Variants in RALYL observed in about 807,000 individuals in gnomAD.
RALYL encodes RALY RNA binding protein like.
Under a neutral mutation model 35.1 loss-of-function variants are expected in RALYL, and 29 were observed. That is an observed-to-expected ratio of 0.83 (90% CI 0.61 to 1.13). The LOEUF (loss-of-function observed/expected upper bound fraction) is 1.13. RALYL is among the 50% of genes most tolerant of loss of function. The probability of loss-of-function intolerance (pLI) is 0.00; values close to 1 mark genes in which losing one functional copy is unlikely to be tolerated. For missense variants in RALYL, 359 were observed against 360.4 expected, an observed-to-expected ratio of 1.00 and a Z score of 0.03; for synonymous variants, 120 against 127.6, an observed-to-expected ratio of 0.94 and a Z score of 0.40.
intron 1 of RALYL, among the ~76,000 whole-genome samples, chr8:84,206,835 C>T (rs1175266963): frequency 6.6e-6 from 1 of 152,066 alleles, no homozygotes; most frequent in East Asian, 1.9e-4. Context: ...AAAACTGAGG[C>T]AGAGATTATC....
At chr8:84,805,635 G>A (rs879529323) in intron 4 of RALYL, among the ~76,000 whole-genome samples, 2 of 152,256 alleles carry the variant, frequency 1.3e-5, no homozygotes, top group Non-Finnish European at 2.9e-5. Context: ...AGTGAGCCAA[G>A]ATCACACCAC....
chr8:84,714,500 T>G (rs1389862084), intron 2 of RALYL, among the ~76,000 whole-genome samples: 1 of 151,292 alleles, frequency 6.6e-6, no homozygotes, highest in African/African-American at 2.4e-5. Context: ...ATTATATATA[T>G]ATATAATTTT....
chr8:84,289,233 C>G (rs1002113140), intron 1 of RALYL, among the ~76,000 whole-genome samples: 1 of 152,046 alleles, frequency 6.6e-6, no homozygotes, highest in African/African-American at 2.4e-5. Flanking sequence ...GCTGCCAGGT[C>G]CTTGAGAAAG....
At chr8:84,481,044 T>C (rs1456790522) in intron 1 of RALYL, among the ~76,000 whole-genome samples, 1 of 152,158 alleles carries the variant, frequency 6.6e-6, no homozygotes, top group African/African-American at 2.4e-5. Flanking sequence ...TTTGTTATCA[T>C]AGCCAAGTAT....
At chr8:84,715,273 C>T (rs1323655548) in intron 2 of RALYL, among the ~76,000 whole-genome samples, 1 of 151,674 alleles carries the variant, frequency 6.6e-6, no homozygotes, top group African/African-American at 2.4e-5. Context: ...ATGTAATTTA[C>T]ATAAGAGAGC....
At chr8:84,824,697 G>A (rs1184026446) in intron 4 of RALYL, among the ~76,000 whole-genome samples, 1 of 152,074 alleles carries the variant, frequency 6.6e-6, no homozygotes, top group African/African-American at 2.4e-5. Flanking sequence ...GGAGAACCTG[G>A]AAGTAAAGCC....
At position 84,354,276 on chromosome 8, in the gene RALYL, A is replaced by C. The variant is rs1322955253; in HGVS notation, c.-24+169852A>C. 2.0e-5 allele frequency among the ~76,000 whole-genome samples: 3 copies of C among 150,290 alleles called. 1 individual carries two copies. Among genetic ancestry groups the C allele is most frequent in the African/African-American group, 7.4e-5 (3 of 40,388 alleles). The stretch of plus-strand genomic sequence containing the variant: ...AATGTATTTGGCAAATTTGTAACCC[A>C]ATTCTGGGATGCAACTCTTTTTTTC... On this transcript the variant is annotated intron_variant, in intron 1 of 8. Coordinates refer to ENST00000521268, the MANE Select transcript of RALYL (RefSeq NM_173848.7).
intron 2 of RALYL, among the ~76,000 whole-genome samples, chr8:84,585,981 G>C (rs1811906335): frequency 6.6e-6 from 1 of 152,024 alleles, no homozygotes; most frequent in Non-Finnish European, 1.5e-5. Flanking sequence ...CAGATCATGA[G>C]GTCAGGAGTG....
At chr8:84,227,056 CTTTT>C (rs1158995864) in intron 1 of RALYL, among the ~76,000 whole-genome samples, 2 of 81,890 alleles carry the variant, frequency 2.4e-5, no homozygotes, top group African/African-American at 4.9e-5. Flanking sequence ...AATTGTATTT[CTTTT>C]TTTTTTTTTT....
At chr8:84,254,636 A>G (rs1424947644) in intron 1 of RALYL, among the ~76,000 whole-genome samples, 2 of 151,844 alleles carry the variant, frequency 1.3e-5, no homozygotes, top group Admixed American at 6.6e-5. Flanking sequence ...GGGAATGCCA[A>G]AGTTTGTGTG....
chr8:84,477,641 C>T (rs1195263221), intron 1 of RALYL, among the ~76,000 whole-genome samples: 2 of 150,646 alleles, frequency 1.3e-5, no homozygotes, highest in Non-Finnish European at 3.0e-5. Context: ...CCTCCAGTTC[C>T]CTCTCATATT....
At chr8:84,747,421 G>A (rs1001183075) in intron 2 of RALYL, among the ~76,000 whole-genome samples, 10 of 151,736 alleles carry the variant, frequency 6.6e-5, no homozygotes, top group South Asian at 2.1e-4. Flanking sequence ...TTTGACTAAC[G>A]TTCAAATTAA....
At chr8:84,375,364 A>G (rs1453804547) in intron 1 of RALYL, among the ~76,000 whole-genome samples, 1 of 151,826 alleles carries the variant, frequency 6.6e-6, no homozygotes. Context: ...ATTCTTTATT[A>G]TTCTGAGCTT....
intron 1 of RALYL, among the ~76,000 whole-genome samples, chr8:84,357,957 A>G (rs1011213831): frequency 6.6e-6 from 1 of 151,704 alleles, no homozygotes; most frequent in Admixed American, 6.6e-5. Flanking sequence ...TGATGGAAAT[A>G]AGTATTTTTC....
chr8:84,863,900 A>C (rs1416388612), intron 6 of RALYL, among the ~76,000 whole-genome samples: 1 of 152,220 alleles, frequency 6.6e-6, no homozygotes, highest in Non-Finnish European at 1.5e-5. Flanking sequence ...AATAAAAGAA[A>C]AGGAGTTTCT....
At chr8:84,862,174 C>T (rs1838225969) in intron 5 of RALYL, 122 bp from the exon 6 acceptor site, 3 of 786,286 alleles carry the variant, frequency 3.8e-6, no homozygotes, top group Non-Finnish European at 5.6e-6. Flanking sequence ...TATTAGAGAA[C>T]AGCAGCAGAA....
At chr8:84,243,560 A>T (rs1586491395) in intron 1 of RALYL, among the ~76,000 whole-genome samples, 1 of 128,550 alleles carries the variant, frequency 7.8e-6, no homozygotes, top group Non-Finnish European at 1.6e-5. Context: ...GGAACAATGT[A>T]GTTTTCAATC....
At chr8:84,445,450 G>A (rs577285260) in intron 1 of RALYL, among the ~76,000 whole-genome samples, 1 of 151,508 alleles carries the variant, frequency 6.6e-6, no homozygotes, top group Admixed American at 6.6e-5. Context: ...TTTTTTCATC[G>A]CACACTGCCA....
intron 4 of RALYL, among the ~76,000 whole-genome samples, chr8:84,837,902 C>A (rs1832356042): frequency 6.6e-6 from 1 of 152,158 alleles, no homozygotes; most frequent in South Asian, 2.1e-4. Context: ...TGCTTCCAAG[C>A]AATAGAAACC....
Sources: gnomAD v4.1 joint callset for allele counts (sites outside exome capture counted in the v4.1 genomes callset) on GRCh38, gnomAD v4.1.1 for gene constraint, MANE v1.5 for transcripts, NCBI Gene and HGNC (gene_info 2026-07-23, HGNC 2026-07-21) for gene names.